Variants in MCC observed in about 807,000 individuals in gnomAD.
MCC encodes MCC regulator of Wnt signaling pathway, also known as colorectal mutant cancer protein.
MCC carries 90 observed loss-of-function variants against 116.2 expected under a neutral mutation model. That is an observed-to-expected ratio of 0.77 (90% CI 0.65 to 0.92). The LOEUF (loss-of-function observed/expected upper bound fraction) is 0.92, where lower values mean the gene tolerates loss of function less well. Ranked by LOEUF, MCC falls within the 40% of genes least tolerant of loss-of-function variation. The probability of loss-of-function intolerance (pLI) is 0.00; values close to 1 mark genes in which losing one functional copy is unlikely to be tolerated. For synonymous variants in MCC, 578 were observed against 510.5 expected, an observed-to-expected ratio of 1.13 and a Z score of -1.78; for missense variants, 1,516 against 1,312.2, an observed-to-expected ratio of 1.16 and a Z score of -2.40.
chr5:113,375,816 G>A (rs1285911848), intron 2 of MCC, among the ~76,000 whole-genome samples: 1 of 97,294 alleles, frequency 1.0e-5, no homozygotes, highest in Non-Finnish European at 1.9e-5. Context: ...TTTCATTCCT[G>A]TGACATTTTA....
intron 1 of MCC, among the ~76,000 whole-genome samples, chr5:113,486,198 G>A (rs1312371795): frequency 1.3e-5 from 2 of 152,108 alleles, no homozygotes; most frequent in Non-Finnish European, 2.9e-5. Flanking sequence ...TAATTTTCAG[G>A]GCAGCTCCAC....
In MCC at chr5:113,148,988, C is replaced by T. The variant is rs539970555; in HGVS notation, c.741+2321G>A. Among the ~76,000 whole-genome samples, 11 of 152,310 alleles carry T rather than the reference C, an allele frequency of 7.2e-5. No individual in the cohort carries two copies. In the East Asian group the frequency reaches 1.9e-3, roughly 27 times the overall value. ...TAGAGAAAAAATTTTCCATTATCCT[C>T]TTACCATCCTCTGTAAAAGCTGTCT... On this transcript the variant is annotated intron_variant, in intron 4 of 18. Transcript: ENST00000408903.
At chr5:113,092,274 G>C (rs1313405044) in intron 8 of MCC, among the ~76,000 whole-genome samples, 1 of 152,170 alleles carries the variant, frequency 6.6e-6, no homozygotes, top group African/African-American at 2.4e-5. Flanking sequence ...GCCAGAGTTA[G>C]AGCTCTGAAG....
At chr5:113,313,053 G>A (rs1159782729) in intron 3 of MCC, among the ~76,000 whole-genome samples, 1 of 152,030 alleles carries the variant, frequency 6.6e-6, no homozygotes, top group East Asian at 1.9e-4. Context: ...TGCTTTAAAA[G>A]TGTAGAGAAG....
chr5:113,075,140 G>A (rs1396448983), intron 11 of MCC, among the ~76,000 whole-genome samples: 1 of 152,236 alleles, frequency 6.6e-6, no homozygotes, highest in East Asian at 1.9e-4. Flanking sequence ...GCAGCCGGCT[G>A]GTGCCACTGG....
At chr5:113,378,269 C>A (rs1008232902) in intron 2 of MCC, among the ~76,000 whole-genome samples, 1 of 152,032 alleles carries the variant, frequency 6.6e-6, no homozygotes, top group African/African-American at 2.4e-5. Flanking sequence ...TTTTTGAGTT[C>A]CTATTAGAGA....
intron 1 of MCC, chr5:113,428,752 T>C (rs1454741424): frequency 6.6e-6 from 1 of 152,194 alleles, no homozygotes; most frequent in Non-Finnish European, 1.5e-5. Context: ...GGGAAACCTG[T>C]CTACACAGTT....
intron 8 of MCC, among the ~76,000 whole-genome samples, chr5:113,089,250 C>T (rs1421981734): frequency 6.6e-6 from 1 of 152,186 alleles, no homozygotes; most frequent in Non-Finnish European, 1.5e-5. Context: ...TGGCCTCTGC[C>T]TTCCTAGAGC....
At chr5:113,445,954 C>T (rs1188226665) in intron 1 of MCC, among the ~76,000 whole-genome samples, 6 of 152,138 alleles carry the variant, frequency 3.9e-5, no homozygotes, top group Non-Finnish European at 8.8e-5. Flanking sequence ...TGCACATCAA[C>T]AGTCGTCTAA....
At chr5:113,450,883 T>A (rs1771372830) in intron 1 of MCC, among the ~76,000 whole-genome samples, 1 of 152,188 alleles carries the variant, frequency 6.6e-6, no homozygotes, top group South Asian at 2.1e-4. Context: ...CTCTTAGCCT[T>A]CATTTTATTA....
chr5:113,403,707 G>C (rs1044900798), intron 1 of MCC, among the ~76,000 whole-genome samples: 2 of 152,190 alleles, frequency 1.3e-5, no homozygotes, highest in African/African-American at 4.8e-5. Flanking sequence ...GGAAGCAGCA[G>C]AGGGAGCGAG....
intron 16 of MCC, chr5:113,048,703 T>C: frequency 5.8e-6 from 2 of 347,684 alleles, no homozygotes; most frequent in East Asian, 9.3e-5. Context: ...TTCAGGCATC[T>C]ATGGGGGATT....
Position 113,220,057 on chromosome 5 carries a change from C to CTTTTTTTTTTTTTTTTTTTTT in MCC, c.628-68636_628-68635insAAAAAAAAAAAAAAAAAAAAA, listed in dbSNP as rs1229213218. Among the ~76,000 whole-genome samples, 10 of 79,498 alleles carry CTTTTTTTTTTTTTTTTTTTTT rather than the reference C, an allele frequency of 1.3e-4. 4 individuals are homozygous for CTTTTTTTTTTTTTTTTTTTTT. The highest frequency in any genetic ancestry group is 2.8e-4 in the Non-Finnish European group (8 of 28,694). 52.2% of individuals were successfully genotyped at this position (79,498 alleles called of 152,430 possible). On this transcript the variant is annotated intron_variant, in intron 3 of 18. Transcript: ENST00000408903. Reference sequence around the variant, plus strand: ...AACTTTGGAATCTGCATGTCAATTTCTTTTTCTTTTTTTTTTTTGAGACGG... The same window carrying CTTTTTTTTTTTTTTTTTTTTT: ...AACTTTGGAATCTGCATGTCAATTTCTTTTTTTTTTTTTTTTTTTTTTTTTTCTTTTTTTTTTTTGAGACGG...
At position 113,187,767 on chromosome 5, in the gene MCC, AAAAAG is replaced by A. The variant is rs1410973070; in HGVS notation, c.628-36350_628-36346del. Among the ~76,000 whole-genome samples the A allele has an allele frequency of 4.7e-3, 710 of 151,576 alleles. 5 individuals are homozygous for A. The highest frequency in any genetic ancestry group is 0.017 in the African/African-American group (688 of 41,284). On this transcript the variant is annotated intron_variant, in intron 3 of 18. Transcript: ENST00000408903. ...GAGACTCCAACTCAAAAAAAAAAAA[AAAAAG>A]AAAGAAAGAAAACATACCAACAAAA...
intron 3 of MCC, among the ~76,000 whole-genome samples, chr5:113,214,905 C>G (rs1763254187): frequency 6.6e-6 from 1 of 152,230 alleles, no homozygotes; most frequent in African/African-American, 2.4e-5. Flanking sequence ...CCATGCTCTA[C>G]TGGCACCTGG....
chr5:113,112,065 GT>G (rs1757131369), intron 6 of MCC, among the ~76,000 whole-genome samples: 2 of 152,246 alleles, frequency 1.3e-5, no homozygotes, highest in South Asian at 4.2e-4. Context: ...ATCTCCCCTG[GT>G]CCACCTGATT....
chr5:113,102,654 G>A (rs142968325), intron 7 of MCC, among the ~76,000 whole-genome samples: 112 of 152,284 alleles, frequency 7.4e-4, no homozygotes, highest in African/African-American at 2.6e-3. Flanking sequence ...ATTTAATGAA[G>A]AAGAAACATG....
intron 3 of MCC, among the ~76,000 whole-genome samples, chr5:113,291,276 A>G (rs181891986): frequency 2.7e-4 from 41 of 152,252 alleles, no homozygotes; most frequent in Admixed American, 1.2e-3. Context: ...CTAGTATCCA[A>G]GCATTCCTGG....
intron 5 of MCC, among the ~76,000 whole-genome samples, chr5:113,131,914 G>A (rs1758455833): frequency 2.0e-5 from 3 of 152,036 alleles, no homozygotes; most frequent in Non-Finnish European, 2.9e-5. Context: ...ACCCTCTTTA[G>A]CTACTCAGTG....
Sources: gnomAD v4.1 joint callset for allele counts (sites outside exome capture counted in the v4.1 genomes callset) on GRCh38, gnomAD v4.1.1 for gene constraint, MANE v1.5 for transcripts, NCBI Gene and HGNC (gene_info 2026-07-23, HGNC 2026-07-21) for gene names.